The following DPYSL2 variants were observed in gnomAD, a reference collection of about 807,000 sequenced individuals.
DPYSL2 encodes the protein dihydropyrimidinase like 2.
A neutral mutation model predicts 69.9 loss-of-function variants in DPYSL2; 13 were observed. That is an observed-to-expected ratio of 0.19 (90% CI 0.12 to 0.30). The LOEUF (loss-of-function observed/expected upper bound fraction) is 0.30. DPYSL2 is among the 10% of genes least tolerant of loss of function. DPYSL2 has a pLI of 1.00. For missense variants in DPYSL2, 587 were observed against 918.9 expected, an observed-to-expected ratio of 0.64 and a Z score of 4.67; for synonymous variants, 326 against 359.1, an observed-to-expected ratio of 0.91 and a Z score of 1.04.
chr8:26,548,809 T>C (rs1200773285), intron 1 of DPYSL2, among the ~76,000 whole-genome samples: 1 of 150,926 alleles, frequency 6.6e-6, no homozygotes, highest in Non-Finnish European at 1.5e-5. Context: ...AGCCTGGTGG[T>C]CAAGGCTGCA....
chr8:26,550,878 G>T (rs977492776), intron 1 of DPYSL2, among the ~76,000 whole-genome samples: 3 of 152,140 alleles, frequency 2.0e-5, no homozygotes, highest in African/African-American at 7.2e-5. Flanking sequence ...AAGTCCCAGA[G>T]CGCAAGAGCT....
rs1193416384 is a variant in DPYSL2 at position 26,657,979 on chromosome 8, T to C, written c.*2273T>C. The C allele has an allele frequency of 1.3e-5, 2 of 152,760 alleles. No homozygotes were observed. The highest frequency in any genetic ancestry group is 2.9e-5 in the Non-Finnish European group (2 of 68,016). 9.5% of individuals were successfully genotyped at this position (152,760 alleles called of 1,614,324 possible). On this transcript the variant is annotated 3_prime_UTR_variant, in exon 14 of 14. Transcript: ENST00000521913. ...TGGTTTTTAATCCTGGAAATTGTGA[T>C]TGTGACCCATGAGTGGAGGAACTTT...
chr8:26,550,259 G>A (rs1800851555), intron 1 of DPYSL2, among the ~76,000 whole-genome samples: 2 of 152,084 alleles, frequency 1.3e-5, no homozygotes, highest in Admixed American at 1.3e-4. Flanking sequence ...CAAACTCAAG[G>A]GCAATGACCA....
chr8:26,624,307 G>A lies in DPYSL2; in HGVS notation c.793G>A (p.Gly265Arg), dbSNP rs1411171367. 5.6e-6 allele frequency: 9 copies of A among 1,613,876 alleles called. No homozygotes were observed. Among genetic ancestry groups the A allele is most frequent in the African/African-American group, 1.3e-5 (1 of 74,930 alleles). Residue 265 changes from glycine (G) to arginine (R), a missense_variant and splice_region_variant, in exon 4 of 14, where the codon GGG becomes AGG. This residue lies in a region of DPYSL2 where 452 missense variants were observed against 754.3 expected (regional missense o/e 0.60). Transcript: ENST00000521913. This position sits in a 1 kb window ranked among gnomAD's most constrained non-coding sequence, Gnocchi z 4.7. ...EEMEALVKDH[G>R]VNSFLVYMAF... ...GATGGAAGCGCTTGTGAAGGATCAC[G>A]GTAGGTTGCACTGAGTCAATGCCCT... is the stretch of plus-strand genomic sequence containing the variant.
intron 1 of DPYSL2, among the ~76,000 whole-genome samples, chr8:26,521,274 A>G (rs1373941328): frequency 1.3e-5 from 2 of 152,224 alleles, no homozygotes; most frequent in African/African-American, 2.4e-5. Context: ...GATAACCTGC[A>G]TGGGCTCTGA....
intron 1 of DPYSL2, among the ~76,000 whole-genome samples, chr8:26,535,635 A>ATTTTT (rs1011684866): frequency 1.4e-5 from 2 of 145,924 alleles, no homozygotes; most frequent in African/African-American, 5.3e-5. Context: ...ATATATATAT[A>ATTTTT]TTTTTTTTTT....
At position 26,652,366 on chromosome 8, in the gene DPYSL2, G is replaced by C; in HGVS notation, c.1706G>C (p.Gly569Ala). The change falls in exon 12 of 14, where the codon GGC becomes GCC. Residue 569 changes from glycine to alanine, a missense_variant. By Grantham distance (60) the Gly-to-Ala change is moderately conservative. Around this residue, in one of 3 missense-constraint regions of DPYSL2, gnomAD observed 452 missense variants for 754.3 expected, o/e 0.60. Coordinates refer to ENST00000521913, the MANE Select transcript of DPYSL2 (RefSeq NM_001197293.3). This position sits in a 1 kb window ranked among gnomAD's most constrained non-coding sequence, Gnocchi z 6.3. ...LEDGTLHVTE[G>A]SGRYIPRKPF... ...GACGGCACCCTGCATGTCACCGAAG[G>C]CTCTGGACGCTACATTCCCCGGAAG... 6.2e-7 allele frequency: 1 copy of C among 1,614,226 alleles called. No homozygotes were observed.
At chr8:26,572,383 T>C (rs575644854) in intron 1 of DPYSL2, among the ~76,000 whole-genome samples, 73 of 152,336 alleles carry the variant, frequency 4.8e-4, no homozygotes, top group African/African-American at 1.7e-3. Context: ...GTTTGGATGA[T>C]GCAAACATGT....
intron 1 of DPYSL2, among the ~76,000 whole-genome samples, chr8:26,543,060 A>T (rs7009144): frequency 0.45 from 68,846 of 152,018 alleles, 16,498 homozygotes; most frequent in African/African-American, 0.62. Context: ...GAAGACAAAA[A>T]TGGCAACGCT....
Position 26,654,080 on chromosome 8 carries a change from A to G in DPYSL2, c.1942+683A>G, listed in dbSNP as rs1803333013. ...TTTAGCTTGTGGAGTTTGGAGTTTC[A>G]ACAGCCTAACTTCAGGGCTCAGCTC... On this transcript the variant is annotated intron_variant, in intron 13 of 13. Transcript: ENST00000521913. The surrounding 1 kb of genome is among the most constrained non-coding windows in gnomAD (Gnocchi z 5.0). Among the ~76,000 whole-genome samples, 1 of 152,266 alleles carries G rather than the reference A, an allele frequency of 6.6e-6. No individual in the cohort carries two copies. The highest frequency in any genetic ancestry group is 2.4e-5 in the African/African-American group (1 of 41,556).
rs1016102793 is a variant in DPYSL2, at chr8:26,586,396, T to C, written c.628+2413T>C. ...TTGCCTCTCATCAAGTACATGTTGC[T>C]CAGCAGATACAGAAAGTCCCTGTTT... On this transcript the variant is annotated intron_variant, in intron 3 of 13. Transcript: ENST00000521913. This position sits in a 1 kb window ranked among gnomAD's most constrained non-coding sequence, Gnocchi z 4.7. Among the ~76,000 whole-genome samples the C allele has an allele frequency of 7.2e-5, 11 of 152,200 alleles. No homozygotes were observed. Among genetic ancestry groups the C allele is most frequent in the African/African-American group, 2.2e-4 (9 of 41,440 alleles).
Position 26,653,124 on chromosome 8 carries a change from A to T in DPYSL2, c.1777-108A>T. 1 of 1,343,328 alleles carries T rather than the reference A, an allele frequency of 7.4e-7. No homozygotes were observed. The highest frequency in any genetic ancestry group is 1.0e-6 in the Non-Finnish European group (1 of 979,164). The allele number at this position is 1,343,328 out of a possible 1,614,324, so 83.2% of individuals were successfully genotyped here. The stretch of plus-strand genomic sequence containing the variant: ...CACCTGTCCACCTGTCTGTAAGGAG[A>T]GCCCTCCATCCCTAGATCTCACAGG... On this transcript the variant is annotated intron_variant, in intron 12 of 13. Coordinates refer to ENST00000521913, the MANE Select transcript of DPYSL2 (RefSeq NM_001197293.3). The surrounding 1 kb of genome is among the most constrained non-coding windows in gnomAD (Gnocchi z 5.7).
intron 3 of DPYSL2, among the ~76,000 whole-genome samples, chr8:26,616,187 T>C (rs114023874): frequency 7.4e-4 from 113 of 152,312 alleles, no homozygotes; most frequent in African/African-American, 2.6e-3. Context: ...CTCTGGTCTT[T>C]CCAATAGTGC....
At chr8:26,622,157 C>CCTTCCTTT (rs1802505385) in intron 3 of DPYSL2, among the ~76,000 whole-genome samples, 3 of 57,116 alleles carry the variant, frequency 5.3e-5, no homozygotes, top group Non-Finnish European at 1.1e-4. Context: ...TTCCTTCCTT[C>CCTTCCTTT]CCTCTCTCTC....
chr8:26,596,974 A>G (rs1801875954), intron 3 of DPYSL2, among the ~76,000 whole-genome samples: 1 of 152,184 alleles, frequency 6.6e-6, no homozygotes, highest in African/African-American at 2.4e-5. Context: ...GAACAGAAAG[A>G]TTTTGGTGTT....
chr8:26,569,593 T>C (rs559661722), intron 1 of DPYSL2, among the ~76,000 whole-genome samples: 9 of 152,080 alleles, frequency 5.9e-5, no homozygotes, highest in Non-Finnish European at 1.3e-4. Context: ...ACTAGGTGGT[T>C]TAGGGGCTTT....
At chr8:26,550,298 T>A (rs1046239882) in intron 1 of DPYSL2, among the ~76,000 whole-genome samples, 11 of 152,116 alleles carry the variant, frequency 7.2e-5, no homozygotes, top group African/African-American at 2.7e-4. Flanking sequence ...CATAATTGAT[T>A]TTTTGAGAGG....
In DPYSL2 at chr8:26,643,106, A is replaced by T; in HGVS notation, c.1127-333A>T. ...CAGTCCAGATGGCACCTGGGACCGG[A>T]TGCCTGGACACCATCCGAGCAGGAG... On this transcript the variant is annotated intron_variant, in intron 8 of 13. Coordinates refer to ENST00000521913, the MANE Select transcript of DPYSL2 (RefSeq NM_001197293.3). This position sits in a 1 kb window ranked among gnomAD's most constrained non-coding sequence, Gnocchi z 6.5. The T allele has an allele frequency of 4.0e-6, 1 of 251,460 alleles. No individual in the cohort carries two copies. Among genetic ancestry groups the T allele is most frequent in the Non-Finnish European group, 7.6e-6 (1 of 132,238 alleles). The allele number at this position is 251,460 out of a possible 1,614,324, so 15.6% of individuals were successfully genotyped here.
chr8:26,616,993 G>A (rs1802369321), intron 3 of DPYSL2, among the ~76,000 whole-genome samples: 1 of 152,196 alleles, frequency 6.6e-6, no homozygotes, highest in South Asian at 2.1e-4. Context: ...ACAGACTGTG[G>A]TACCTGCTCA....
Sources: gnomAD v4.1 joint callset for allele counts (sites outside exome capture counted in the v4.1 genomes callset) on GRCh38, gnomAD v4.1.1 for gene constraint, gnomAD v4.1.1 regional missense constraint, Gnocchi (gnomAD v3.1) non-coding constraint, MANE v1.5 for transcripts, NCBI Gene and HGNC (gene_info 2026-07-23, HGNC 2026-07-21) for gene names.